Variants in HS3ST4 observed in about 807,000 individuals in gnomAD.
HS3ST4 encodes the protein heparan sulfate glucosamine 3-O-sulfotransferase 4.
In HS3ST4, 17 loss-of-function variants were observed where a neutral mutation model predicts 29.2. The observed-to-expected ratio is 0.58, with a 90% CI of 0.40 to 0.87. The LOEUF is 0.87. Ranked by LOEUF, HS3ST4 falls within the 40% of genes least tolerant of loss-of-function variation. The pLI is 0.00. For synonymous variants in HS3ST4, 314 were observed against 285.7 expected, an observed-to-expected ratio of 1.10 and a Z score of -1.00; for missense variants, 627 against 634.5, an observed-to-expected ratio of 0.99 and a Z score of 0.13.
intron 1 of HS3ST4, among the ~76,000 whole-genome samples, chr16:26,019,082 A>G (rs143951937): frequency 4.6e-5 from 7 of 152,148 alleles, no homozygotes; most frequent in South Asian, 2.1e-4. Context: ...AAACGATAAA[A>G]AACATCATAT....
chr16:26,046,297 C>T (rs1022005945), intron 1 of HS3ST4, among the ~76,000 whole-genome samples: 1 of 151,966 alleles, frequency 6.6e-6, no homozygotes, highest in Non-Finnish European at 1.5e-5. Flanking sequence ...ATGACAGGCA[C>T]TTGCCACCAC....
At chr16:25,931,152 C>T (rs185822720) in intron 1 of HS3ST4, among the ~76,000 whole-genome samples, 24 of 152,296 alleles carry the variant, frequency 1.6e-4, no homozygotes, top group African/African-American at 4.8e-4. Flanking sequence ...TTGGGGACCG[C>T]GTACCTTTCA....
intron 1 of HS3ST4, among the ~76,000 whole-genome samples, chr16:25,877,586 G>C (rs1393834692): frequency 2.0e-5 from 3 of 152,140 alleles, no homozygotes; most frequent in African/African-American, 7.2e-5. Flanking sequence ...AGGAATGCTG[G>C]CAGCCACCAG....
At chr16:25,965,132 A>C (rs1968830776) in intron 1 of HS3ST4, among the ~76,000 whole-genome samples, 2 of 152,088 alleles carry the variant, frequency 1.3e-5, no homozygotes, top group African/African-American at 4.8e-5. Context: ...GAAGAAAAGG[A>C]GCTCGGGAGG....
At chr16:25,725,515 A>G (rs185197207) in intron 1 of HS3ST4, among the ~76,000 whole-genome samples, 2 of 152,272 alleles carry the variant, frequency 1.3e-5, no homozygotes, top group African/African-American at 4.8e-5. Context: ...TAACCCAGTG[A>G]TATATGCCAG....
chr16:26,052,487 C>T (rs1461548981), intron 1 of HS3ST4, among the ~76,000 whole-genome samples: 1 of 152,184 alleles, frequency 6.6e-6, no homozygotes. Flanking sequence ...TCTCCTGCCT[C>T]AGCCTCCTGA....
chr16:25,786,988 C>T (rs992321024), intron 1 of HS3ST4, among the ~76,000 whole-genome samples: 1 of 152,198 alleles, frequency 6.6e-6, no homozygotes, highest in African/African-American at 2.4e-5. Flanking sequence ...AAATTATTCT[C>T]TTCTCCATAC....
intron 1 of HS3ST4, among the ~76,000 whole-genome samples, chr16:25,712,339 T>C (rs1040397792): frequency 3.3e-5 from 5 of 152,172 alleles, no homozygotes; most frequent in Admixed American, 2.6e-4. Flanking sequence ...TTGGGCAACA[T>C]AGTGAAACTC....
chr16:26,094,067 A>G (rs1898893455), intron 1 of HS3ST4, among the ~76,000 whole-genome samples: 1 of 152,216 alleles, frequency 6.6e-6, no homozygotes, highest in Admixed American at 6.5e-5. Context: ...TTAGAGAGAA[A>G]AGAGTAAAAA....
intron 1 of HS3ST4, among the ~76,000 whole-genome samples, chr16:25,868,624 A>G (rs1967719356): frequency 6.6e-6 from 1 of 152,224 alleles, no homozygotes; most frequent in African/African-American, 2.4e-5. Flanking sequence ...AGCAAACAGA[A>G]GAGAAACCTT....
chr16:26,013,853 CAA>C (rs1054838390), intron 1 of HS3ST4, among the ~76,000 whole-genome samples: 2 of 151,654 alleles, frequency 1.3e-5, no homozygotes, highest in Admixed American at 6.6e-5. Context: ...ACTAAAAATA[CAA>C]AAAAATTAGC....
chr16:25,946,179 A>T (rs1031527293), intron 1 of HS3ST4, among the ~76,000 whole-genome samples: 3 of 152,180 alleles, frequency 2.0e-5, no homozygotes, highest in Non-Finnish European at 4.4e-5. Flanking sequence ...CAACATCCAG[A>T]TGTTTTCATC....
At chr16:25,869,527 A>G (rs1967727929) in intron 1 of HS3ST4, among the ~76,000 whole-genome samples, 1 of 152,170 alleles carries the variant, frequency 6.6e-6, no homozygotes, top group South Asian at 2.1e-4. Flanking sequence ...AAGTCTCACA[A>G]GTAGTGCAGG....
chr16:26,121,016 C>G (rs575076574), intron 1 of HS3ST4, among the ~76,000 whole-genome samples: 75 of 152,296 alleles, frequency 4.9e-4, no homozygotes, highest in Middle Eastern at 3.4e-3. Context: ...ACCACTAAGC[C>G]TTTTGATCCT....
chr16:25,904,107 A>ATGG (rs1567268926), intron 1 of HS3ST4, among the ~76,000 whole-genome samples: 11 of 142,482 alleles, frequency 7.7e-5, no homozygotes, highest in South Asian at 2.4e-4. Flanking sequence ...TGAATGGATG[A>ATGG]ATGGATGGAT....
intron 1 of HS3ST4, among the ~76,000 whole-genome samples, chr16:26,132,280 A>G (rs1357551031): frequency 1.3e-5 from 2 of 152,214 alleles, no homozygotes; most frequent in South Asian, 2.1e-4. Context: ...TCAAGCAACT[A>G]CTGGATATCT....
chr16:25,722,824 G>C (rs1966506747), intron 1 of HS3ST4, among the ~76,000 whole-genome samples: 1 of 152,196 alleles, frequency 6.6e-6, no homozygotes, highest in African/African-American at 2.4e-5. Context: ...GGGGGTAGTT[G>C]TAAGGATTAC....
At chr16:25,970,564 C>T (rs568340828) in intron 1 of HS3ST4, among the ~76,000 whole-genome samples, 1 of 151,990 alleles carries the variant, frequency 6.6e-6, no homozygotes, top group Non-Finnish European at 1.5e-5. Context: ...GGCTGGTATG[C>T]AGTGATGTGA....
chr16:25,872,669 G>C (rs984393865), intron 1 of HS3ST4, among the ~76,000 whole-genome samples: 5 of 152,194 alleles, frequency 3.3e-5, no homozygotes, highest in Admixed American at 1.3e-4. Context: ...GCACTTTTCA[G>C]CTTCTGCTGG....
Sources: allele counts gnomAD v4.1 joint callset (sites outside exome capture counted in the v4.1 genomes callset), GRCh38; gene constraint gnomAD v4.1.1; transcripts MANE v1.5; gene names NCBI Gene and HGNC (gene_info 2026-07-23, HGNC 2026-07-21).